The following DYM variants were observed in gnomAD, a reference collection of about 807,000 sequenced individuals.
DYM encodes dymeclin.
DYM carries 78 observed loss-of-function variants against 93.1 expected under a neutral mutation model. The observed-to-expected ratio is 0.84, with a 90% CI of 0.70 to 1.01. DYM has a LOEUF of 1.01. Ranked by LOEUF, DYM falls within the 50% of genes least tolerant of loss-of-function variation. The probability of loss-of-function intolerance (pLI) is 0.00; values close to 1 mark genes in which losing one functional copy is unlikely to be tolerated. For synonymous variants in DYM, 321 were observed against 319.7 expected (o/e 1.00, Z -0.04); for missense variants, 789 against 845.0 (o/e 0.93, Z 0.82).
intron 8 of DYM, among the ~76,000 whole-genome samples, chr18:49,304,109 T>C (rs1490856016): frequency 4.6e-5 from 7 of 152,230 alleles, no homozygotes; most frequent in Non-Finnish European, 7.3e-5. Flanking sequence ...TATAAGTTTC[T>C]ATTAACTTCA....
chr18:49,276,786 T>A (rs1411742042), intron 10 of DYM, among the ~76,000 whole-genome samples: 1 of 152,072 alleles, frequency 6.6e-6, no homozygotes, highest in East Asian at 1.9e-4. Flanking sequence ...GGAAGTGACA[T>A]GATCAGATTT....
At chr18:49,254,281 C>CATATATATAT (rs3084549) in intron 13 of DYM, among the ~76,000 whole-genome samples, 200 of 136,378 alleles carry the variant, frequency 1.5e-3, no homozygotes, top group East Asian at 6.4e-3. Flanking sequence ...ATCCTTGTAT[C>CATATATATAT]ATATATATAT....
chr18:49,354,935 T>C (rs1241963381), intron 6 of DYM, among the ~76,000 whole-genome samples: 3 of 152,002 alleles, frequency 2.0e-5, no homozygotes, highest in Admixed American at 6.6e-5. Context: ...GATATGACAA[T>C]GATAGATACA....
At chr18:49,177,994 C>G (rs1406673776) in intron 14 of DYM, among the ~76,000 whole-genome samples, 7 of 152,148 alleles carry the variant, frequency 4.6e-5, no homozygotes, top group Non-Finnish European at 1.5e-5. Context: ...AAACCCATCT[C>G]TACTGTGACT....
chr18:49,150,296 C>G (rs2085672513), intron 15 of DYM, among the ~76,000 whole-genome samples: 1 of 152,182 alleles, frequency 6.6e-6, no homozygotes, highest in African/African-American at 2.4e-5. Context: ...TGTTCCCACT[C>G]AAATTCATAT....
chr18:49,040,613 A>G lies in DYM; in HGVS notation c.*3442T>C, dbSNP rs1412393536. Reference sequence around the variant, plus strand: ...CTGGAATTGTTCTGAATTTGGAGTCAGAAGGCCTAATAATCAGTCCCTAAA... The same window carrying G: ...CTGGAATTGTTCTGAATTTGGAGTCGGAAGGCCTAATAATCAGTCCCTAAA... On this transcript the variant is annotated 3_prime_UTR_variant, in exon 18 of 18. Coordinates refer to ENST00000675505, the MANE Select transcript of DYM (RefSeq NM_001353214.3). 6.6e-6 allele frequency among the ~76,000 whole-genome samples: 1 copy of G among 152,240 alleles called. No individual in the cohort carries two copies. The highest frequency in any genetic ancestry group is 1.5e-5 in the Non-Finnish European group (1 of 68,050).
intron 10 of DYM, among the ~76,000 whole-genome samples, chr18:49,276,691 A>T (rs924512360): frequency 6.6e-6 from 1 of 152,204 alleles, no homozygotes; most frequent in African/African-American, 2.4e-5. Flanking sequence ...CTGTGGCAAA[A>T]TTATAAAGTG....
chr18:49,365,424 A>C (rs946848084), intron 5 of DYM, among the ~76,000 whole-genome samples: 3 of 152,182 alleles, frequency 2.0e-5, no homozygotes, highest in African/African-American at 7.2e-5. Flanking sequence ...GTGAAGAAAA[A>C]AAAATAAAAG....
chr18:49,267,260 C>G (rs2094585860), intron 11 of DYM, among the ~76,000 whole-genome samples: 1 of 151,550 alleles, frequency 6.6e-6, no homozygotes, highest in African/African-American at 2.4e-5. Flanking sequence ...GTAATAGATT[C>G]TTTACCTTAA....
At chr18:49,216,499 C>T (rs1442291844) in intron 13 of DYM, among the ~76,000 whole-genome samples, 1 of 152,092 alleles carries the variant, frequency 6.6e-6, no homozygotes, top group Non-Finnish European at 1.5e-5. Context: ...CTGGGAGGCA[C>T]CCCCCAGTAG....
At position 49,209,641 on chromosome 18, in the gene DYM, G is replaced by GTAC. The variant is rs1037396520; in HGVS notation, c.1534_1535insGTA (p.Ser511dup). ...GAGGGTCGAGAAGCAATGCTGAAGCGTAGAACAGTGAGAGTGGGGGAAATA... is the reference window on the plus strand; with the variant it reads ...GAGGGTCGAGAAGCAATGCTGAAGCGTACTAGAACAGTGAGAGTGGGGGAAATA... On this transcript the variant is annotated inframe_insertion, in exon 14 of 18. Transcript: ENST00000675505. 3.1e-6 allele frequency: 4 copies of GTAC among 1,289,658 alleles called. No homozygotes were observed. The Admixed American group carries it at 9.2e-5, about 30-fold the overall frequency. 79.9% of individuals were successfully genotyped at this position (1,289,658 alleles called of 1,614,324 possible). A position where few individuals can be genotyped will look rare whatever the true frequency, so the allele number is the denominator to read the frequency against.
At position 49,449,039 on chromosome 18, in the gene DYM, C is replaced by T. The variant is rs375635419; in HGVS notation, c.-54+11359G>A. On this transcript the variant is annotated intron_variant, in intron 1 of 17. Coordinates refer to ENST00000675505, the MANE Select transcript of DYM (RefSeq NM_001353214.3). The stretch of plus-strand genomic sequence containing the variant: ...ACCTCCAACCATACCACCAGTTCTT[C>T]CACCTCCACCATCTCCAAAATTTCC... Among the ~76,000 whole-genome samples the T allele has an allele frequency of 4.4e-4, 67 of 152,276 alleles. 1 individual carries two copies. In the South Asian group the frequency reaches 0.013, roughly 31 times the overall value.
intron 1 of DYM, among the ~76,000 whole-genome samples, chr18:49,436,966 A>G (rs187572745): frequency 1.3e-3 from 195 of 152,356 alleles, no homozygotes; most frequent in African/African-American, 4.4e-3. Flanking sequence ...TCAAAAGAAC[A>G]AAATTTGATT....
intron 1 of DYM, among the ~76,000 whole-genome samples, chr18:49,442,905 T>C (rs930094355): frequency 6.6e-6 from 1 of 150,758 alleles, no homozygotes; most frequent in South Asian, 2.1e-4. Flanking sequence ...TCACCCAGGG[T>C]GGAGTGCAGT....
intron 2 of DYM, among the ~76,000 whole-genome samples, chr18:49,407,587 A>G (rs1173323535): frequency 6.6e-6 from 1 of 152,198 alleles, no homozygotes; most frequent in Non-Finnish European, 1.5e-5. Context: ...AAACAACTAG[A>G]TCTTGTGTGA....
At chr18:49,397,258 T>C (rs78334247) in intron 2 of DYM, among the ~76,000 whole-genome samples, 1,901 of 152,354 alleles carry the variant, frequency 0.012, 60 homozygotes, top group South Asian at 0.076. Context: ...AATTTACCCA[T>C]AGATGATAAA....
chr18:49,180,687 A>G (rs1177709009), intron 14 of DYM, among the ~76,000 whole-genome samples: 2 of 152,156 alleles, frequency 1.3e-5, no homozygotes, highest in Non-Finnish European at 2.9e-5. Context: ...GCAGAAAGGA[A>G]TATAGGCTAA....
At position 49,041,719 on chromosome 18, in the gene DYM, C is replaced by G. The variant is rs1221963629; in HGVS notation, c.*2336G>C. The stretch of plus-strand genomic sequence containing the variant: ...GAAAAGGGAAAGAGGGGAGGGCAAT[C>G]AGGGTTCTGGGGGCACCTCAGTGAG... On this transcript the variant is annotated 3_prime_UTR_variant, in exon 18 of 18. Transcript: ENST00000675505. The G allele has an allele frequency of 5.3e-5, 8 of 152,152 alleles. No individual in the cohort carries two copies. The allele number at this position is 152,152 out of a possible 1,614,324, so 9.4% of individuals were successfully genotyped here. A position where few individuals can be genotyped will look rare whatever the true frequency, so the allele number is the denominator to read the frequency against.
chr18:49,318,991 G>C (rs1490320179), intron 8 of DYM, among the ~76,000 whole-genome samples: 1 of 151,578 alleles, frequency 6.6e-6, no homozygotes, highest in Non-Finnish European at 1.5e-5. Context: ...ATTTGTAGTA[G>C]AGACGGGGTT....
Sources: gnomAD v4.1 joint callset for allele counts (sites outside exome capture counted in the v4.1 genomes callset) on GRCh38, gnomAD v4.1.1 for gene constraint, MANE v1.5 for transcripts, NCBI Gene and HGNC (gene_info 2026-07-23, HGNC 2026-07-21) for gene names.